The following FBLN1 variants were observed in gnomAD, a reference collection of about 807,000 sequenced individuals.
FBLN1 encodes the protein fibulin 1, also known as fibulin-1.
Under a neutral mutation model 89.7 loss-of-function variants are expected in FBLN1, and 34 were observed. That is an observed-to-expected ratio of 0.38 (90% CI 0.29 to 0.50). FBLN1 has a LOEUF of 0.50. Among genes scored for constraint, FBLN1 ranks in the 20% least tolerant of loss-of-function variants. The pLI, the probability that FBLN1 is intolerant of heterozygous loss-of-function variation, is 0.92. For missense variants in FBLN1, 777 were observed against 988.1 expected (o/e 0.79, Z 2.86); for synonymous variants, 393 against 391.3 (o/e 1.00, Z -0.05).
rs1031097891 is a variant in FBLN1 at position 45,588,298 on chromosome 22, A to G, written c.1972+11190A>G. 5.9e-5 allele frequency among the ~76,000 whole-genome samples: 9 copies of G among 152,068 alleles called. No homozygotes were observed. Among genetic ancestry groups the G allele is most frequent in the African/African-American group, 2.2e-4 (9 of 41,420 alleles). On this transcript the variant is annotated intron_variant, in intron 16 of 16. Transcript: ENST00000327858. The surrounding 1 kb of genome is among the most constrained non-coding windows in gnomAD (Gnocchi z 5.1). ...AGTGCTGGAGTGGCCATGCCTGGGG[A>G]ACTCCTTCTGGAAAGTCTGTCGTGA...
intron 1 of FBLN1, among the ~76,000 whole-genome samples, chr22:45,515,234 G>A (rs993908960): frequency 2.6e-5 from 4 of 152,070 alleles, no homozygotes; most frequent in East Asian, 3.9e-4. Flanking sequence ...CTGCCTCGTC[G>A]CCATCCAGCC....
rs923263858 is a variant in FBLN1 at position 45,517,779 on chromosome 22, T to A, written c.80-903T>A. 7.9e-6 allele frequency: 3 copies of A among 379,944 alleles called. No homozygotes were observed. In the Admixed American group the frequency reaches 1.1e-4, roughly 13 times the overall value. The allele number at this position is 379,944 out of a possible 1,614,324, so 23.5% of individuals were successfully genotyped here. A position where few individuals can be genotyped will look rare whatever the true frequency, so the allele number is the denominator to read the frequency against. ...GGCTTATGTCCCCCCTCCTGCCCCTTTGCTCCCAAGATTAAAGGAGAAAAC... is the reference window on the plus strand; with the variant it reads ...GGCTTATGTCCCCCCTCCTGCCCCTATGCTCCCAAGATTAAAGGAGAAAAC... On this transcript the variant is annotated intron_variant, in intron 1 of 16. Transcript: ENST00000327858.
chr22:45,575,784 C>G lies in FBLN1; in HGVS notation c.1840+1131C>G, dbSNP rs2088992098. Among the ~76,000 whole-genome samples, 1 of 152,160 alleles carries G rather than the reference C, an allele frequency of 6.6e-6. No individual in the cohort carries two copies. The highest frequency in any genetic ancestry group is 2.1e-4 in the South Asian group (1 of 4,830). ...CAGAGGGCTATGGATGGAGCATTGT[C>G]CTGTTCACCTCGCTTCCTGGCTGTG... On this transcript the variant is annotated intron_variant, in intron 15 of 16. Transcript: ENST00000327858. The surrounding 1 kb of genome is among the most constrained non-coding windows in gnomAD (Gnocchi z 6.3).
At chr22:45,535,669 G>A in intron 8 of FBLN1, 1 of 307,218 alleles carries the variant, frequency 3.3e-6, no homozygotes, top group East Asian at 8.2e-5. Context: ...TTGCTGATCT[G>A]GGTTTAGATT....
chr22:45,539,741 G>A (rs2088530731), intron 8 of FBLN1, among the ~76,000 whole-genome samples: 1 of 152,238 alleles, frequency 6.6e-6, no homozygotes, highest in Non-Finnish European at 1.5e-5. Context: ...ACATTGATTT[G>A]CTGTCTGTTT....
Position 45,527,958 on chromosome 22 carries a change from G to A in FBLN1, c.433G>A (p.Val145Ile). Reference sequence around the variant, plus strand: ...TGGACAGGTCTTCCAGGCATGCTGTGTCAAGAGCCAGGAGACCGGAGATTT... The same window carrying A: ...TGGACAGGTCTTCCAGGCATGCTGTATCAAGAGCCAGGAGACCGGAGATTT... ...QCGQVFQACCVKSQETGDLDV... is the reference protein window; with the variant it reads ...QCGQVFQACCIKSQETGDLDV... The change falls in exon 4 of 17, where the codon GTC (valine) becomes ATC (isoleucine). Residue 145 changes from valine to isoleucine, a missense_variant. Val to Ile is a conservative substitution (Grantham distance 29). Transcript: ENST00000327858. 6.2e-7 allele frequency: 1 copy of A among 1,614,234 alleles called. No homozygotes were observed. The highest frequency in any genetic ancestry group is 8.5e-7 in the Non-Finnish European group (1 of 1,180,038).
intron 16 of FBLN1, among the ~76,000 whole-genome samples, chr22:45,594,254 A>T (rs1387221077): frequency 6.6e-6 from 1 of 152,166 alleles, no homozygotes; most frequent in African/African-American, 2.4e-5. Context: ...CTGAAAGAAC[A>T]GTGGTGTAGA....
chr22:45,558,240 G>A (rs2088813142), intron 14 of FBLN1: 1 of 546,510 alleles, frequency 1.8e-6, no homozygotes, highest in Admixed American at 2.7e-5. Flanking sequence ...ATTTGATGAT[G>A]GAATGCTGCT....
rs1284668358 is a variant in FBLN1 at position 45,525,576 on chromosome 22, G to A, written c.219G>A (p.Leu73=). 4 of 1,550,028 alleles carry A rather than the reference G, an allele frequency of 2.6e-6. No individual in the cohort carries two copies. The highest frequency in any genetic ancestry group is 2.6e-6 in the Non-Finnish European group (3 of 1,146,844). Residue 73 remains leucine (L), a synonymous_variant, in exon 3 of 17, where the codon CTG becomes CTA. Transcript: ENST00000327858. ...AGGAGCAGTGCTGCCACAGCCAGCT[G>A]GAGGAGCTGCACTGTGCCACGGGCA... ...MVQEQCCHSQ[L]EELHCATGIS... is the part of the protein sequence containing the mutation.
At chr22:45,534,743 T>G (rs982894492) in intron 7 of FBLN1, among the ~76,000 whole-genome samples, 1 of 152,308 alleles carries the variant, frequency 6.6e-6, no homozygotes, top group Admixed American at 6.5e-5. Context: ...TTGACAGCCA[T>G]GAACTTCAAG....
At chr22:45,533,940 C>T (rs201514235) in intron 7 of FBLN1, 42 bp downstream of exon 7, 27 of 1,611,920 alleles carry the variant, frequency 1.7e-5, no homozygotes, top group East Asian at 6.7e-5. Context: ...GTCTTCCAGG[C>T]GTAGATACGG....
At chr22:45,569,064 T>G (rs2088928705) in intron 14 of FBLN1, among the ~76,000 whole-genome samples, 3 of 152,224 alleles carry the variant, frequency 2.0e-5, no homozygotes, top group Non-Finnish European at 4.4e-5. Context: ...TCATCTTAAC[T>G]GATTACATCT....
At chr22:45,533,039 G>A (rs766280836) in intron 5 of FBLN1, 24 bp from the exon 6 acceptor site, 4 of 1,605,790 alleles carry the variant, frequency 2.5e-6, no homozygotes, top group South Asian at 1.1e-5. Flanking sequence ...GTCCATCCCT[G>A]GCTCATGCAC....
At position 45,527,951 on chromosome 22, in the gene FBLN1, A is replaced by G; in HGVS notation, c.426A>G (p.Ala142=). 1 of 1,614,244 alleles carries G rather than the reference A, an allele frequency of 6.2e-7. No homozygotes were observed. The highest frequency in any genetic ancestry group is 1.7e-4 in the Middle Eastern group (1 of 6,060). ...ACCAGTGTGGACAGGTCTTCCAGGC[A>G]TGCTGTGTCAAGAGCCAGGAGACCG... is the stretch of plus-strand genomic sequence containing the variant. The part of the protein sequence containing the change: ...VGYQCGQVFQ[A]CCVKSQETGD... The change falls in exon 4 of 17, where the codon GCA becomes GCG. Residue 142 remains alanine, a synonymous_variant. Transcript: ENST00000327858.
At chr22:45,594,475 A>G (rs1027734778) in intron 16 of FBLN1, among the ~76,000 whole-genome samples, 1 of 151,292 alleles carries the variant, frequency 6.6e-6, no homozygotes, top group African/African-American at 2.4e-5. Context: ...CTTGGCTCAT[A>G]TTTATTCCTC....
Position 45,562,842 on chromosome 22 carries a change from C to A in FBLN1, c.1698-11669C>A. The A allele has an allele frequency of 6.7e-7, 1 of 1,487,996 alleles. No homozygotes were observed. Among genetic ancestry groups the A allele is most frequent in the Non-Finnish European group, 9.3e-7 (1 of 1,075,318 alleles). 92.2% of individuals were successfully genotyped at this position (1,487,996 alleles called of 1,614,324 possible). A position where few individuals can be genotyped will look rare whatever the true frequency, so the allele number is the denominator to read the frequency against. The stretch of plus-strand genomic sequence containing the variant: ...CGCCTGCCAGCCCCGCATCCCCGCG[C>A]TCTGCCGTTTCTCCGCTTGCTGGAC... On this transcript the variant is annotated intron_variant, in intron 14 of 16. Transcript: ENST00000327858. The surrounding 1 kb of genome is among the most constrained non-coding windows in gnomAD (Gnocchi z 7.8).
intron 1 of FBLN1, chr22:45,517,318 T>A (rs1209088048): frequency 3.1e-6 from 1 of 326,618 alleles, no homozygotes; most frequent in Non-Finnish European, 6.0e-6. Flanking sequence ...GCTGTCGTGC[T>A]AATGCTTTCT....
intron 2 of FBLN1, chr22:45,523,212 C>T (rs1307241859): frequency 2.6e-6 from 2 of 769,646 alleles, no homozygotes; most frequent in South Asian, 1.4e-5. Context: ...AGGGTGTGTA[C>T]AGCAAGGCGG....
rs995117892 is a variant in FBLN1 at position 45,575,608 on chromosome 22, A to G, written c.1840+955A>G. On this transcript the variant is annotated intron_variant, in intron 15 of 16. Coordinates refer to ENST00000327858, the MANE Select transcript of FBLN1 (RefSeq NM_006486.3). The surrounding 1 kb of genome is among the most constrained non-coding windows in gnomAD (Gnocchi z 6.3). Reference sequence around the variant, plus strand: ...GAACTGGAGGGGCCAGACGGGGAGCAGGAAGCTCAGGTGTAACCCAGTCAG... The same window carrying G: ...GAACTGGAGGGGCCAGACGGGGAGCGGGAAGCTCAGGTGTAACCCAGTCAG... Among the ~76,000 whole-genome samples the G allele has an allele frequency of 6.6e-6, 1 of 152,170 alleles. No individual in the cohort carries two copies. Among genetic ancestry groups the G allele is most frequent in the Admixed American group, 6.5e-5 (1 of 15,278 alleles).
Sources: gnomAD v4.1 joint callset for allele counts (sites outside exome capture counted in the v4.1 genomes callset) on GRCh38, gnomAD v4.1.1 for gene constraint, Gnocchi (gnomAD v3.1) non-coding constraint, MANE v1.5 for transcripts, NCBI Gene and HGNC (gene_info 2026-07-23, HGNC 2026-07-21) for gene names.